Variants in ITPRID1 observed in about 807,000 individuals in gnomAD.
The protein encoded by ITPRID1 is protein ITPRID1.
Under a neutral mutation model 95.4 loss-of-function variants are expected in ITPRID1, and 96 were observed. The ratio of observed to expected loss-of-function variants is 1.01; its 90% CI spans 0.85 to 1.19. ITPRID1 has a LOEUF of 1.19. ITPRID1 is among the 50% of genes most tolerant of loss of function. ITPRID1 has a pLI of 0.00. For synonymous variants in ITPRID1, 510 were observed against 453.6 expected (o/e 1.12, Z -1.58); for missense variants, 1,339 against 1,252.9 (o/e 1.07, Z -1.04).
At chr7:31,605,247 A>T (rs1435697185) in intron 10 of ITPRID1, among the ~76,000 whole-genome samples, 1 of 152,194 alleles carries the variant, frequency 6.6e-6, no homozygotes, top group Non-Finnish European at 1.5e-5. Flanking sequence ...CCTTCAAGGC[A>T]GAAGGAAGGG....
chr7:31,523,468 A>ATAGTAATCCATGAG (rs1783331315), intron 1 of ITPRID1, among the ~76,000 whole-genome samples: 1 of 152,258 alleles, frequency 6.6e-6, no homozygotes, highest in East Asian at 1.9e-4. Context: ...GAGATATCCA[A>ATAGTAATCCATGAG]TAGTAATCCA....
downstream of ITPRID1, among the ~76,000 whole-genome samples, chr7:31,657,031 G>C (rs1334090905): frequency 2.7e-5 from 4 of 146,208 alleles, no homozygotes; most frequent in Non-Finnish European, 4.5e-5. Context: ...TGTAATAAAT[G>C]TATGTGTATA....
At chr7:31,620,938 G>T (rs1346764905) in intron 10 of ITPRID1, among the ~76,000 whole-genome samples, 1 of 151,998 alleles carries the variant, frequency 6.6e-6, no homozygotes, top group African/African-American at 2.4e-5. Context: ...GAAAGCCAAG[G>T]CTCAAGAACT....
rs190870550 is a variant in ITPRID1, at chr7:31,544,073, G to A, written c.-97-5353G>A. Among the ~76,000 whole-genome samples, 10 of 152,024 alleles carry A rather than the reference G, an allele frequency of 6.6e-5. No individual in the cohort carries two copies. In the East Asian group the frequency reaches 1.7e-3, roughly 26 times the overall value. On this transcript the variant is annotated intron_variant, in intron 1 of 14. Transcript: ENST00000615280. ...TGACTATTTTTATGTCTATTTCTGG[G>A]CTCTCTATTGTGTTCTATTGTTCTA...
At chr7:31,587,242 A>G (rs1785655311) in intron 10 of ITPRID1, among the ~76,000 whole-genome samples, 1 of 152,172 alleles carries the variant, frequency 6.6e-6, no homozygotes, top group African/African-American at 2.4e-5. Flanking sequence ...AGAAAACCCC[A>G]TTGTCTCAGC....
chr7:31,604,994 C>T (rs910336899), intron 10 of ITPRID1, among the ~76,000 whole-genome samples: 4 of 151,918 alleles, frequency 2.6e-5, no homozygotes, highest in Admixed American at 6.6e-5. Flanking sequence ...AAAAATTAGC[C>T]GGGGGTGGTG....
Position 31,643,676 on chromosome 7 carries a change from A to G in ITPRID1, c.2306A>G (p.Asn769Ser), listed in dbSNP as rs1054346999. 2 of 1,613,934 alleles carry G rather than the reference A, an allele frequency of 1.2e-6. No individual in the cohort carries two copies. Among genetic ancestry groups the G allele is most frequent in the African/African-American group, 2.7e-5 (2 of 74,948 alleles). ...DASIQTSALS[N>S]KTLTHGPQPL... is the part of the protein sequence containing the mutation. ...TCCATTCAGACTTCAGCTCTAAGCA[A>G]CAAGACCTTGACACATGGGCCCCAG... Residue 769 changes from asparagine to serine, a missense_variant, in exon 12 of 15, where the codon AAC becomes AGC. Asn to Ser is a conservative substitution (Grantham distance 46). Transcript: ENST00000615280.
chr7:31,636,264 C>A (rs911683830), intron 10 of ITPRID1, among the ~76,000 whole-genome samples: 1 of 152,124 alleles, frequency 6.6e-6, no homozygotes, highest in Non-Finnish European at 1.5e-5. Context: ...CCATATCAAC[C>A]AGACTGGTAT....
intron 8 of ITPRID1, among the ~76,000 whole-genome samples, chr7:31,575,073 C>T (rs76778951): frequency 0.079 from 12,061 of 152,158 alleles, 638 homozygotes; most frequent in Non-Finnish European, 0.11. Context: ...TTACACACAG[C>T]GGGTCTTGTT....
chr7:31,639,907 G>C (rs1406881248), intron 10 of ITPRID1, among the ~76,000 whole-genome samples: 1 of 152,070 alleles, frequency 6.6e-6, no homozygotes, highest in Non-Finnish European at 1.5e-5. Context: ...TCTTAGGGTG[G>C]TTTCAATTGA....
intron 10 of ITPRID1, among the ~76,000 whole-genome samples, chr7:31,585,166 C>A (rs893450912): frequency 2.0e-5 from 3 of 152,182 alleles, no homozygotes; most frequent in Non-Finnish European, 2.9e-5. Context: ...AGAAACCACA[C>A]CGAGCTGGCC....
chr7:31,537,633 C>G (rs1467889408), intron 1 of ITPRID1, among the ~76,000 whole-genome samples: 1 of 151,946 alleles, frequency 6.6e-6, no homozygotes, highest in Non-Finnish European at 1.5e-5. Flanking sequence ...GCTTTTTATG[C>G]TATATTTTAA....
chr7:31,539,695 G>T (rs1438638474), intron 1 of ITPRID1, among the ~76,000 whole-genome samples: 2 of 152,178 alleles, frequency 1.3e-5, no homozygotes, highest in South Asian at 4.1e-4. Context: ...GGGGCTTCTG[G>T]CTGATTTTGG....
At chr7:31,559,292 G>C (rs989480095) in intron 5 of ITPRID1, among the ~76,000 whole-genome samples, 1 of 152,072 alleles carries the variant, frequency 6.6e-6, no homozygotes, top group Non-Finnish European at 1.5e-5. Flanking sequence ...TTCTTCTTCT[G>C]CTCCTCTGGG....
intron 10 of ITPRID1, among the ~76,000 whole-genome samples, chr7:31,602,296 C>T (rs1453301884): frequency 6.6e-6 from 1 of 152,172 alleles, no homozygotes; most frequent in Non-Finnish European, 1.5e-5. Context: ...GAGACTAATA[C>T]CCACAGCCTG....
chr7:31,652,519 A>G lies in ITPRID1; in HGVS notation c.2825A>G (p.Gln942Arg). ...TTTTTCCTCTTGTTTTCCTTTTAGC[A>G]GCTGGAGGTTCTCACAGCAGAGCCA... ...AQQIREGILL[Q>R]LEVLTAEPPE... The change falls in exon 15 of 15, where the codon CAG becomes CGG. Residue 942 changes from glutamine (Q) to arginine (R), a missense_variant and splice_region_variant. Gln to Arg is a conservative substitution (Grantham distance 43, BLOSUM62 1). Coordinates refer to ENST00000615280, the MANE Select transcript of ITPRID1 (RefSeq NM_001257967.3). The G allele has an allele frequency of 6.3e-7, 1 of 1,590,926 alleles. No homozygotes were observed. The highest frequency in any genetic ancestry group is 8.6e-7 in the Non-Finnish European group (1 of 1,167,088).
chr7:31,606,884 T>G (rs896738500), intron 10 of ITPRID1, among the ~76,000 whole-genome samples: 2 of 152,192 alleles, frequency 1.3e-5, no homozygotes, highest in African/African-American at 4.8e-5. Context: ...GAGGTAAATT[T>G]TTATTTCAGG....
chr7:31,645,480 C>T (rs1344166325), intron 12 of ITPRID1, among the ~76,000 whole-genome samples: 1 of 152,002 alleles, frequency 6.6e-6, no homozygotes, highest in East Asian at 1.9e-4. Flanking sequence ...GTATATTTTC[C>T]AAAAGTTCAG....
At chr7:31,642,485 C>G (rs1398024232) in intron 11 of ITPRID1, among the ~76,000 whole-genome samples, 197 bp from the exon 12 acceptor site, 1 of 152,188 alleles carries the variant, frequency 6.6e-6, no homozygotes, top group East Asian at 1.9e-4. Flanking sequence ...CCTTCCTTTC[C>G]TTTTGACTTT....
Sources: allele counts gnomAD v4.1 joint callset (sites outside exome capture counted in the v4.1 genomes callset), GRCh38; gene constraint gnomAD v4.1.1; transcripts MANE v1.5; gene names NCBI Gene and HGNC (gene_info 2026-07-23, HGNC 2026-07-21).